CENPK: variants seen among roughly 807,000 people sequenced by gnomAD.
The protein encoded by CENPK is centromere protein K.
In CENPK, 46 loss-of-function variants were observed where a neutral mutation model predicts 40.9. The ratio of observed to expected loss-of-function variants is 1.13; its 90% CI spans 0.89 to 1.44. The LOEUF (loss-of-function observed/expected upper bound fraction) is 1.44. Ranked by LOEUF, CENPK falls within the 40% of genes most tolerant of loss-of-function variation. The pLI is 0.00. For synonymous variants in CENPK, 107 were observed against 104.4 expected (o/e 1.02, Z -0.15); for missense variants, 288 against 303.5 (o/e 0.95, Z 0.38).
intron 2 of CENPK, among the ~76,000 whole-genome samples, chr5:65,555,891 A>T (rs1561696583): frequency 6.6e-6 from 1 of 152,244 alleles, no homozygotes; most frequent in Non-Finnish European, 1.5e-5. Context: ...CTGATTAAGC[A>T]ATTAGATATA....
At chr5:65,534,787 C>A (rs961619599) in intron 6 of CENPK, among the ~76,000 whole-genome samples, 2 of 152,122 alleles carry the variant, frequency 1.3e-5, no homozygotes, top group African/African-American at 4.8e-5. Flanking sequence ...AAACTTTTAA[C>A]AGAAAATACA....
intron 8 of CENPK, 63 bp from the exon 9 acceptor site, chr5:65,528,641 A>G (rs1300791576): frequency 7.1e-7 from 1 of 1,407,384 alleles, no homozygotes; most frequent in Non-Finnish European, 9.3e-7. Flanking sequence ...ACATGTAACT[A>G]GTTATTCATG....
chr5:65,556,245 G>A (rs770077200), intron 2 of CENPK, among the ~76,000 whole-genome samples: 6 of 152,326 alleles, frequency 3.9e-5, no homozygotes, highest in African/African-American at 7.2e-5. Context: ...GGCCAAGGTC[G>A]TAGGATCACT....
At chr5:65,549,256 C>T (rs1581058399) in intron 5 of CENPK, among the ~76,000 whole-genome samples, 2 of 151,736 alleles carry the variant, frequency 1.3e-5, no homozygotes, top group East Asian at 1.9e-4. Context: ...TTAAACTATT[C>T]AGTAAACCAT....
At position 65,563,100 on chromosome 5, in the gene CENPK, T is replaced by G; in HGVS notation, c.-144A>C. On this transcript the variant is annotated splice_region_variant and 5_prime_UTR_variant, in exon 1 of 11. It removes an upstream start codon present in the reference 5' UTR. Transcript: ENST00000396679. Reference sequence around the variant, plus strand: ...AACCTCCCCGGCCCAGGTCTTACCATCACAGCGTCACAAACTCCAGGTCGC... The same window carrying G: ...AACCTCCCCGGCCCAGGTCTTACCAGCACAGCGTCACAAACTCCAGGTCGC... 1 of 564,640 alleles carries G rather than the reference T, an allele frequency of 1.8e-6. No individual in the cohort carries two copies. Among genetic ancestry groups the G allele is most frequent in the South Asian group, 2.2e-5 (1 of 46,442 alleles). 35.0% of individuals were successfully genotyped at this position (564,640 alleles called of 1,614,324 possible). A position where few individuals can be genotyped will look rare whatever the true frequency, so the allele number is the denominator to read the frequency against.
chr5:65,546,347 A>AGGAT (rs201080928), intron 5 of CENPK, among the ~76,000 whole-genome samples: 1 of 151,626 alleles, frequency 6.6e-6, no homozygotes, highest in East Asian at 1.9e-4. Context: ...AAAATGAAAA[A>AGGAT]GAATCTAGGA....
chr5:65,543,698 T>G (rs1241056265), intron 5 of CENPK, among the ~76,000 whole-genome samples: 1 of 152,216 alleles, frequency 6.6e-6, no homozygotes, highest in Non-Finnish European at 1.5e-5. Context: ...GTGTCTAGTT[T>G]CTAGTCATAA....
At chr5:65,501,426 A>G in the CENPK span, among the ~76,000 whole-genome samples, 61,784 of 151,650 alleles carry the variant, frequency 0.41, 12,928 homozygotes, top group East Asian at 0.65. Flanking sequence ...TGATCCACCT[A>G]CCTTGGCCTC....
At chr5:65,532,382 G>C (rs1004123196) in intron 6 of CENPK, among the ~76,000 whole-genome samples, 1 of 152,048 alleles carries the variant, frequency 6.6e-6, no homozygotes, top group Admixed American at 6.5e-5. Flanking sequence ...GAAGAGGAGA[G>C]AATACTTCCT....
At chr5:65,506,365 A>AG in the CENPK span, among the ~76,000 whole-genome samples, 1 of 151,298 alleles carries the variant, frequency 6.6e-6, no homozygotes, top group Non-Finnish European at 1.5e-5. Context: ...AAAAAAAAAA[A>AG]TGGCAGGGTG....
chr5:65,558,882 TG>T, intron 2 of CENPK, among the ~76,000 whole-genome samples: 1 of 152,302 alleles, frequency 6.6e-6, no homozygotes, highest in African/African-American at 2.4e-5. Context: ...CTAAGAATTA[TG>T]ATAGTAGTAC....
At chr5:65,497,099 G>A in the CENPK span, among the ~76,000 whole-genome samples, 8 of 151,588 alleles carry the variant, frequency 5.3e-5, no homozygotes, top group Admixed American at 5.3e-4. Context: ...CAAGTGCAGT[G>A]GCTGACGCCT....
At chr5:65,499,292 T>C in the CENPK span, among the ~76,000 whole-genome samples, 1 of 150,058 alleles carries the variant, frequency 6.7e-6, no homozygotes, top group Non-Finnish European at 1.5e-5. Context: ...TTTTACCAGA[T>C]ATATGATATC....
At chr5:65,551,249 C>CAAAAAAAAAAAA in intron 5 of CENPK, 1 of 107,016 alleles carries the variant, frequency 9.3e-6, no homozygotes, top group Admixed American at 1.7e-4. Flanking sequence ...GACCCTGTCT[C>CAAAAAAAAAAAA]AAAAAAAAAA....
chr5:65,521,821 G>A (rs112730090), intron 9 of CENPK, among the ~76,000 whole-genome samples: 7 of 152,192 alleles, frequency 4.6e-5, no homozygotes, highest in African/African-American at 1.2e-4. Context: ...GGCTGGTCTC[G>A]AGCTCCTGAC....
chr5:65,535,396 T>C (rs1264190962), intron 6 of CENPK, among the ~76,000 whole-genome samples: 1 of 152,230 alleles, frequency 6.6e-6, no homozygotes, highest in African/African-American at 2.4e-5. Context: ...AATACTCTAC[T>C]TGATGAGCAT....
chr5:65,530,529 C>T (rs896640848), intron 6 of CENPK, among the ~76,000 whole-genome samples: 2 of 152,124 alleles, frequency 1.3e-5, no homozygotes, highest in African/African-American at 4.8e-5. Flanking sequence ...TCAGGAACAA[C>T]AAAGAAGACT....
intron 5 of CENPK, among the ~76,000 whole-genome samples, chr5:65,550,174 C>CAAAA (rs56732964): frequency 5.6e-4 from 33 of 59,406 alleles, no homozygotes; most frequent in Admixed American, 1.0e-3. Flanking sequence ...GACTCCATCT[C>CAAAA]AAAAAAAAAA....
intron 2 of CENPK, among the ~76,000 whole-genome samples, chr5:65,556,371 A>C (rs1023766336): frequency 6.6e-6 from 1 of 152,156 alleles, no homozygotes; most frequent in Admixed American, 6.5e-5. Flanking sequence ...GCTGCTCAGG[A>C]GGCAGGGGCA....
Sources: allele counts gnomAD v4.1 joint callset (sites outside exome capture counted in the v4.1 genomes callset), GRCh38; gene constraint gnomAD v4.1.1; transcripts MANE v1.5; gene names NCBI Gene and HGNC (gene_info 2026-07-23, HGNC 2026-07-21).